Variants in IFT25 observed in about 807,000 individuals in gnomAD.
The protein encoded by IFT25 is intraflagellar transport 25, also known as intraflagellar transport protein 25 homolog.
At chr1:53,922,980 A>G in the IFT25 span, among the ~76,000 whole-genome samples, 2 of 152,214 alleles carry the variant, frequency 1.3e-5, no homozygotes, top group Non-Finnish European at 1.5e-5. Context: ...AACCCTCCAC[A>G]GTGGAGTCCT....
At chr1:53,942,469 C>T in the IFT25 span, among the ~76,000 whole-genome samples, 907 of 152,298 alleles carry the variant, frequency 6.0e-3, 8 homozygotes, top group African/African-American at 0.021. Flanking sequence ...TTATATATTG[C>T]CTATGGCTGA....
At chr1:53,937,410 G>A in the IFT25 span, among the ~76,000 whole-genome samples, 6 of 152,228 alleles carry the variant, frequency 3.9e-5, no homozygotes, top group South Asian at 6.2e-4. Flanking sequence ...GAGCCACCGC[G>A]CCTGGCCAGA....
the IFT25 span, among the ~76,000 whole-genome samples, chr1:53,938,146 T>G: frequency 6.6e-6 from 1 of 152,346 alleles, no homozygotes; most frequent in Admixed American, 6.5e-5. Context: ...TACTTTTTTG[T>G]GCTTCTTATT....
At chr1:53,937,700 G>A in the IFT25 span, among the ~76,000 whole-genome samples, 1 of 152,190 alleles carries the variant, frequency 6.6e-6, no homozygotes, top group Admixed American at 6.5e-5. Flanking sequence ...CCAAAGTAGT[G>A]CAGGGTAAAT....
chr1:53,935,570 T>C, the IFT25 span, among the ~76,000 whole-genome samples: 1 of 152,104 alleles, frequency 6.6e-6, no homozygotes, highest in Admixed American at 6.5e-5. Flanking sequence ...GCGAATTGTA[T>C]GGTATGTGAA....
At chr1:53,929,967 T>C in the IFT25 span, 42 of 1,466,958 alleles carry the variant, frequency 2.9e-5, no homozygotes, top group South Asian at 5.9e-4. Context: ...GAAAGGATAA[T>C]GAAAACTAAA....
chr1:53,943,076 C>CT, the IFT25 span, among the ~76,000 whole-genome samples: 3,063 of 151,400 alleles, frequency 0.02, 104 homozygotes, highest in African/African-American at 0.07. Context: ...ATTTAAATTT[C>CT]TTTTTTTTTA....
the IFT25 span, chr1:53,916,858 C>T: frequency 1.5e-5 from 6 of 395,570 alleles, no homozygotes; most frequent in South Asian, 5.1e-4. Context: ...TTTGCTTTTC[C>T]GGGCCGGGCG....
At chr1:53,924,764 G>C in the IFT25 span, among the ~76,000 whole-genome samples, 4 of 152,178 alleles carry the variant, frequency 2.6e-5, no homozygotes, top group African/African-American at 9.7e-5. Flanking sequence ...GTGAACCCAG[G>C]AGGCGGAGCT....
chr1:53,933,260 G>C, the IFT25 span, among the ~76,000 whole-genome samples: 1 of 150,594 alleles, frequency 6.6e-6, no homozygotes, highest in Non-Finnish European at 1.5e-5. Flanking sequence ...TCAGCCTCCC[G>C]AGTAACTGGG....
At chr1:53,941,167 G>A in the IFT25 span, among the ~76,000 whole-genome samples, 1 of 152,004 alleles carries the variant, frequency 6.6e-6, no homozygotes, top group Non-Finnish European at 1.5e-5. Context: ...GCTAATTTTT[G>A]TATTTTTAGT....
chr1:53,922,489 A>AT, the IFT25 span, among the ~76,000 whole-genome samples: 3 of 152,196 alleles, frequency 2.0e-5, no homozygotes, highest in African/African-American at 7.2e-5. Flanking sequence ...ACCCTGAAGC[A>AT]TGACTACATT....
the IFT25 span, among the ~76,000 whole-genome samples, chr1:53,933,870 C>T: frequency 1.7e-3 from 264 of 151,964 alleles, 1 homozygote; most frequent in African/African-American, 6.0e-3. Context: ...TTTAGCTATA[C>T]CTCCTTTATT....
the IFT25 span, chr1:53,916,694 T>C: frequency 3.7e-5 from 12 of 323,190 alleles, no homozygotes; most frequent in African/African-American, 2.0e-4. Context: ...CTAGCCGTAA[T>C]GTTCAGTTTT....
the IFT25 span, among the ~76,000 whole-genome samples, chr1:53,936,717 ATATAG>A: frequency 1.3e-5 from 2 of 152,124 alleles, no homozygotes; most frequent in Non-Finnish European, 2.9e-5. Context: ...TTAATTCTAA[ATATAG>A]TATTCTTCTA....
At chr1:53,943,915 T>A in the IFT25 span, among the ~76,000 whole-genome samples, 1 of 152,192 alleles carries the variant, frequency 6.6e-6, no homozygotes, top group Admixed American at 6.5e-5. Context: ...AGTCACTGTG[T>A]CCGGCGGATA....
the IFT25 span, among the ~76,000 whole-genome samples, chr1:53,938,952 T>C: frequency 6.6e-6 from 1 of 151,516 alleles, no homozygotes; most frequent in Non-Finnish European, 1.5e-5. Flanking sequence ...CGCATGCCTG[T>C]AATCCCAGCT....
At chr1:53,943,415 G>GGT in the IFT25 span, among the ~76,000 whole-genome samples, 904 of 152,230 alleles carry the variant, frequency 5.9e-3, 8 homozygotes, top group African/African-American at 0.021. Flanking sequence ...AACTGGACTG[G>GGT]GTGTAGATTT....
chr1:53,941,126 C>T, the IFT25 span, among the ~76,000 whole-genome samples: 1 of 152,010 alleles, frequency 6.6e-6, no homozygotes. Flanking sequence ...TCCTGAATAG[C>T]TGGGATTACA....
Sources: allele counts gnomAD v4.1 joint callset (sites outside exome capture counted in the v4.1 genomes callset), GRCh38; gene constraint gnomAD v4.1.1; transcripts MANE v1.5; gene names NCBI Gene and HGNC (gene_info 2026-07-23, HGNC 2026-07-21).